The following DOCK4 variants were observed in gnomAD, a reference collection of about 807,000 sequenced individuals.
DOCK4 encodes dedicator of cytokinesis protein 4.
A neutral mutation model predicts 268.1 loss-of-function variants in DOCK4; 97 were observed. The ratio of observed to expected loss-of-function variants is 0.36; its 90% CI spans 0.31 to 0.43. DOCK4 has a LOEUF of 0.43. Ranked by LOEUF, DOCK4 falls within the 20% of genes least tolerant of loss-of-function variation. DOCK4 has a pLI of 1.00. For missense variants in DOCK4, 2,145 were observed against 2,455.7 expected (o/e 0.87, Z 2.67); for synonymous variants, 954 against 887.2 (o/e 1.08, Z -1.34).
At chr7:111,895,581 C>T in intron 16 of DOCK4, 31 bp downstream of exon 16, 2 of 1,583,942 alleles carry the variant, frequency 1.3e-6, no homozygotes, top group South Asian at 2.2e-5. Flanking sequence ...CTGTTTTTTA[C>T]TGCCCATCGC....
chr7:112,024,741 C>T (rs1802623499), intron 1 of DOCK4, among the ~76,000 whole-genome samples: 1 of 152,172 alleles, frequency 6.6e-6, no homozygotes, highest in African/African-American at 2.4e-5. Context: ...TAGATCAAGT[C>T]ATACCTCTGC....
At chr7:112,101,905 C>T (rs555743637) in intron 1 of DOCK4, among the ~76,000 whole-genome samples, 3 of 151,234 alleles carry the variant, frequency 2.0e-5, no homozygotes, top group East Asian at 2.0e-4. Context: ...TGCAGTGGCG[C>T]GATCTCGGCT....
At chr7:111,774,859 C>T (rs541460693) in intron 36 of DOCK4, among the ~76,000 whole-genome samples, 3 of 152,288 alleles carry the variant, frequency 2.0e-5, no homozygotes, top group Non-Finnish European at 4.4e-5. Flanking sequence ...TCTCCACTAC[C>T]CAGTTCTGCC....
At chr7:111,804,143 G>A (rs1049142545) in intron 30 of DOCK4, among the ~76,000 whole-genome samples, 6 of 152,126 alleles carry the variant, frequency 3.9e-5, no homozygotes, top group African/African-American at 7.2e-5. Context: ...ATATGCCCAC[G>A]TTCAGAGCAG....
intron 8 of DOCK4, among the ~76,000 whole-genome samples, chr7:111,974,358 A>G (rs1474359168): frequency 6.6e-6 from 1 of 152,052 alleles, no homozygotes; most frequent in African/African-American, 2.4e-5. Flanking sequence ...TTTTTTGCCA[A>G]TCACCTTTAT....
intron 27 of DOCK4, among the ~76,000 whole-genome samples, chr7:111,816,635 A>G (rs1801577476): frequency 6.6e-6 from 1 of 152,184 alleles, no homozygotes; most frequent in South Asian, 2.1e-4. Context: ...TGGAACTTAG[A>G]GAACAATGGC....
At chr7:111,838,891 A>G (rs1235289098) in intron 25 of DOCK4, among the ~76,000 whole-genome samples, 2 of 152,240 alleles carry the variant, frequency 1.3e-5, no homozygotes, top group Non-Finnish European at 2.9e-5. Flanking sequence ...ATAAAATAAA[A>G]AAGACATATG....
chr7:112,151,724 T>A (rs1816096349), intron 1 of DOCK4, among the ~76,000 whole-genome samples: 1 of 151,670 alleles, frequency 6.6e-6, no homozygotes. Context: ...AATGTCTCTT[T>A]TCAATAATGA....
intron 1 of DOCK4, among the ~76,000 whole-genome samples, chr7:112,018,016 C>T (rs1449918864): frequency 4.6e-5 from 7 of 151,552 alleles, no homozygotes; most frequent in Admixed American, 6.6e-5. Flanking sequence ...GAAACCCCGT[C>T]TCTACTAAAA....
Position 111,741,993 on chromosome 7 carries a change from G to A in DOCK4, c.4797+20C>T. 1 of 1,545,176 alleles carries A rather than the reference G, an allele frequency of 6.5e-7. No individual in the cohort carries two copies. The highest frequency in any genetic ancestry group is 1.2e-5 in the South Asian group (1 of 80,036). The stretch of plus-strand genomic sequence containing the variant: ...GGCAGTGATCAGGCTGCCCCGCCAT[G>A]GACACCTAAGTATACATACCTGTAT... On this transcript the variant is annotated intron_variant, in intron 45 of 52. Transcript: ENST00000428084.
intron 12 of DOCK4, 89 bp downstream of exon 12, chr7:111,935,451 G>T (rs538543516): frequency 2.7e-6 from 3 of 1,121,638 alleles, no homozygotes; most frequent in Admixed American, 3.4e-5. Flanking sequence ...GAAAAACAAA[G>T]GGCTGATAAT....
intron 1 of DOCK4, among the ~76,000 whole-genome samples, chr7:112,120,764 A>G (rs1443215223): frequency 6.6e-6 from 1 of 152,236 alleles, no homozygotes; most frequent in Non-Finnish European, 1.5e-5. Context: ...CAATATATCT[A>G]CTGAATATTA....
rs1795891330 is a variant in DOCK4 at position 111,741,190 on chromosome 7, G to C, written c.4944C>G (p.Asn1648Lys). 2 of 1,613,804 alleles carry C rather than the reference G, an allele frequency of 1.2e-6. No homozygotes were observed. The highest frequency in any genetic ancestry group is 2.7e-5 in the African/African-American group (2 of 74,894). The change falls in exon 47 of 53, where the codon AAC becomes AAG. Residue 1648 changes from asparagine to lysine, a missense_variant. By Grantham distance (94) the Asn-to-Lys change is moderately conservative. Coordinates refer to ENST00000428084, the MANE Select transcript of DOCK4 (RefSeq NM_001363540.2). Reference protein sequence around the residue: ...RRSPLSYPAVNRYSSSSLSSQ... With the variant: ...RRSPLSYPAVKRYSSSSLSSQ... ...AGGACAGTGAGGAGGAAGAATATCGGTTGACAGCTGGGTAACTTAACGGGC... is the reference window on the plus strand; with the variant it reads ...AGGACAGTGAGGAGGAAGAATATCGCTTGACAGCTGGGTAACTTAACGGGC...
At chr7:111,993,526 T>G (rs190439) in intron 5 of DOCK4, among the ~76,000 whole-genome samples, 69,212 of 151,914 alleles carry the variant, frequency 0.46, 16,093 homozygotes, top group African/African-American at 0.51. Flanking sequence ...GTAAGCTGGA[T>G]GTGATCATCA....
At chr7:111,865,031 G>T (rs955310666) in intron 22 of DOCK4, among the ~76,000 whole-genome samples, 1 of 152,242 alleles carries the variant, frequency 6.6e-6, no homozygotes, top group Non-Finnish European at 1.5e-5. Context: ...GCCAGGGCAA[G>T]CTGAGAGTTT....
At chr7:111,988,933 C>T (rs1799270102) in intron 6 of DOCK4, 82 bp downstream of exon 6, 2 of 1,513,766 alleles carry the variant, frequency 1.3e-6, no homozygotes, top group Non-Finnish European at 1.8e-6. Flanking sequence ...CTTCCAGTGA[C>T]ATTACCACGT....
At chr7:112,174,838 A>G (rs1818362664) in intron 1 of DOCK4, among the ~76,000 whole-genome samples, 1 of 151,416 alleles carries the variant, frequency 6.6e-6, no homozygotes, top group African/African-American at 2.4e-5. Context: ...TTTTATCTCA[A>G]TGTTTTAAAA....
intron 20 of DOCK4, among the ~76,000 whole-genome samples, chr7:111,869,935 A>C (rs938519157): frequency 6.6e-6 from 1 of 152,206 alleles, no homozygotes; most frequent in Non-Finnish European, 1.5e-5. Context: ...TATTGGAGAA[A>C]AGGACTGTGC....
At chr7:111,866,850 C>G (rs1178722081) in intron 22 of DOCK4, among the ~76,000 whole-genome samples, 2 of 152,326 alleles carry the variant, frequency 1.3e-5, no homozygotes, top group East Asian at 3.9e-4. Context: ...TTTGTAGAGA[C>G]AGTAAACTTC....
Sources: allele counts gnomAD v4.1 joint callset (sites outside exome capture counted in the v4.1 genomes callset), GRCh38; gene constraint gnomAD v4.1.1; transcripts MANE v1.5; gene names NCBI Gene and HGNC (gene_info 2026-07-23, HGNC 2026-07-21).